Variants in GABRB1 observed in about 807,000 individuals in gnomAD.
GABRB1 encodes gamma-aminobutyric acid type A receptor subunit beta1, also known as gamma-aminobutyric acid receptor subunit beta-1.
Under a neutral mutation model 51.6 loss-of-function variants are expected in GABRB1, and 17 were observed. The ratio of observed to expected loss-of-function variants is 0.33; its 90% CI spans 0.23 to 0.49. GABRB1 has a LOEUF of 0.49. Ranked by LOEUF, GABRB1 falls within the 20% of genes least tolerant of loss-of-function variation. GABRB1 has a pLI of 0.99. For missense variants in GABRB1, 410 were observed against 600.6 expected (o/e 0.68, Z 3.32); for synonymous variants, 247 against 218.9 (o/e 1.13, Z -1.14).
intron 4 of GABRB1, among the ~76,000 whole-genome samples, chr4:47,315,912 G>A (rs978408052): frequency 6.6e-6 from 1 of 151,612 alleles, no homozygotes. Context: ...GGAAGGTGAG[G>A]ATCGAAAAAC....
Position 47,115,967 on chromosome 4 carries a change from C to T in GABRB1, c.241-45282C>T, listed in dbSNP as rs189244268. Reference sequence around the variant, plus strand: ...ATTCTGATTGACCATGTTAGTCAGGCTATATCATCTTCGCCAAGGACAACC... The same window carrying T: ...ATTCTGATTGACCATGTTAGTCAGGTTATATCATCTTCGCCAAGGACAACC... On this transcript the variant is annotated intron_variant, in intron 3 of 8. Coordinates refer to ENST00000295454, the MANE Select transcript of GABRB1 (RefSeq NM_000812.4). Among the ~76,000 whole-genome samples the T allele has an allele frequency of 2.4e-3, 368 of 152,228 alleles. 2 individuals are homozygous for T. Among genetic ancestry groups the T allele is most frequent in the African/African-American group, 7.8e-3 (325 of 41,556 alleles).
intron 3 of GABRB1, among the ~76,000 whole-genome samples, chr4:47,100,427 C>A (rs992921855): frequency 5.3e-5 from 8 of 151,992 alleles, no homozygotes; most frequent in Non-Finnish European, 1.5e-5. Flanking sequence ...GTGTCATTTT[C>A]TTGGCCTTTA....
intron 4 of GABRB1, among the ~76,000 whole-genome samples, chr4:47,241,456 C>T (rs1360191047): frequency 1.3e-5 from 2 of 152,146 alleles, no homozygotes; most frequent in Non-Finnish European, 2.9e-5. Flanking sequence ...AGATTAGCAG[C>T]CTGGCACACC....
chr4:47,140,006 A>C (rs1716854742), intron 3 of GABRB1, among the ~76,000 whole-genome samples: 1 of 151,940 alleles, frequency 6.6e-6, no homozygotes, highest in East Asian at 1.9e-4. Context: ...CAGCGGTAAG[A>C]ATATCAGATG....
intron 3 of GABRB1, among the ~76,000 whole-genome samples, chr4:47,141,148 G>A (rs1183847813): frequency 6.6e-6 from 1 of 151,796 alleles, no homozygotes; most frequent in East Asian, 1.9e-4. Flanking sequence ...CTTCTCCTAT[G>A]TAGAGATGTC....
chr4:47,213,484 C>T (rs1720443623), intron 4 of GABRB1, among the ~76,000 whole-genome samples: 2 of 151,958 alleles, frequency 1.3e-5, no homozygotes, highest in Admixed American at 6.6e-5. Flanking sequence ...GCCTCTCACA[C>T]TCTCGCTTTC....
rs1560380923 is a variant in GABRB1 at position 47,425,799 on chromosome 4, C to A, written c.1206C>A (p.Ile402=). The A allele has an allele frequency of 6.2e-7, 1 of 1,614,052 alleles. No individual in the cohort carries two copies. The highest frequency in any genetic ancestry group is 8.5e-7 in the Non-Finnish European group (1 of 1,180,018). ...TGTACTCCTATGACAGCGCCAGCAT[C>A]CAGTACCGCAAGCCCCTGAGCAGCC... is the stretch of plus-strand genomic sequence containing the variant. The part of the protein sequence containing the change: ...ATMYSYDSAS[I]QYRKPLSSRE... The change falls in exon 9 of 9, where the codon ATC becomes ATA. Residue 402 remains isoleucine, a synonymous_variant. Coordinates refer to ENST00000295454, the MANE Select transcript of GABRB1 (RefSeq NM_000812.4).
chr4:47,160,270 C>G (rs1339891897), intron 3 of GABRB1, among the ~76,000 whole-genome samples: 1 of 152,090 alleles, frequency 6.6e-6, no homozygotes, highest in Non-Finnish European at 1.5e-5. Context: ...TGAATTCAAA[C>G]CACTTCCTGA....
chr4:47,389,503 C>G (rs1727913742), intron 5 of GABRB1, among the ~76,000 whole-genome samples: 1 of 152,194 alleles, frequency 6.6e-6, no homozygotes, highest in South Asian at 2.1e-4. Context: ...ATATGGCTAT[C>G]TGTAAGCAGT....
chr4:47,041,689 T>C (rs1173208381), intron 3 of GABRB1, among the ~76,000 whole-genome samples: 2 of 152,120 alleles, frequency 1.3e-5, no homozygotes, highest in Non-Finnish European at 2.9e-5. Context: ...CACGGAGATA[T>C]TTTTTCTTAA....
intron 4 of GABRB1, among the ~76,000 whole-genome samples, chr4:47,309,777 T>G (rs1724600789): frequency 6.6e-6 from 1 of 152,190 alleles, no homozygotes; most frequent in African/African-American, 2.4e-5. Flanking sequence ...ATAATGTCAT[T>G]ATGGGTCATT....
chr4:47,165,837 C>G (rs1047023551), intron 4 of GABRB1, among the ~76,000 whole-genome samples: 4 of 152,020 alleles, frequency 2.6e-5, no homozygotes, highest in African/African-American at 9.7e-5. Context: ...AAAACTGGGC[C>G]GTCCTCCTTT....
At chr4:47,396,428 G>T (rs1161656849) in intron 5 of GABRB1, among the ~76,000 whole-genome samples, 2 of 152,068 alleles carry the variant, frequency 1.3e-5, no homozygotes, top group Non-Finnish European at 2.9e-5. Flanking sequence ...CATATCAGGG[G>T]ACATTTATTT....
chr4:47,304,277 C>T (rs150273065), intron 4 of GABRB1, among the ~76,000 whole-genome samples: 116 of 152,140 alleles, frequency 7.6e-4, no homozygotes, highest in Admixed American at 1.6e-3. Flanking sequence ...CTAGGCTTCT[C>T]TTTTCCCCAC....
intron 3 of GABRB1, among the ~76,000 whole-genome samples, chr4:47,156,033 A>G (rs1056414104): frequency 1.2e-4 from 18 of 149,786 alleles, no homozygotes; most frequent in African/African-American, 4.1e-4. Context: ...TACAATAAAA[A>G]TGGGAGTGCA....
intron 5 of GABRB1, among the ~76,000 whole-genome samples, chr4:47,328,917 TA>T (rs112133227): frequency 0.095 from 13,129 of 138,342 alleles, 910 homozygotes; most frequent in East Asian, 0.3. Flanking sequence ...TAAAGTATAA[TA>T]AAAAAAAAAA....
At chr4:47,138,760 C>A (rs372807754) in intron 3 of GABRB1, among the ~76,000 whole-genome samples, 3 of 152,196 alleles carry the variant, frequency 2.0e-5, no homozygotes, top group East Asian at 3.9e-4. Context: ...TAGAGCGAGG[C>A]AGAATTCTGA....
chr4:47,346,268 G>T (rs561760599), intron 5 of GABRB1, among the ~76,000 whole-genome samples: 91 of 152,078 alleles, frequency 6.0e-4, no homozygotes, highest in Non-Finnish European at 1.2e-3. Flanking sequence ...AGATGAATAG[G>T]AGTTAATGAA....
At chr4:47,222,658 T>A (rs1372722321) in intron 4 of GABRB1, among the ~76,000 whole-genome samples, 1 of 152,102 alleles carries the variant, frequency 6.6e-6, no homozygotes, top group East Asian at 1.9e-4. Flanking sequence ...CATAAGTGAT[T>A]CTAAGCCACT....
Sources: gnomAD v4.1 joint callset for allele counts (sites outside exome capture counted in the v4.1 genomes callset) on GRCh38, gnomAD v4.1.1 for gene constraint, MANE v1.5 for transcripts, NCBI Gene and HGNC (gene_info 2026-07-23, HGNC 2026-07-21) for gene names.